PREX2: variants seen among roughly 807,000 people sequenced by gnomAD.
PREX2 encodes the protein phosphatidylinositol 3,4,5-trisphosphate-dependent Rac exchanger 2 protein.
Under a neutral mutation model 203.2 loss-of-function variants are expected in PREX2, and 107 were observed. The ratio of observed to expected loss-of-function variants is 0.53; its 90% CI spans 0.45 to 0.62. PREX2 has a LOEUF of 0.62. Among genes scored for constraint, PREX2 ranks in the 20% least tolerant of loss-of-function variants. PREX2 has a pLI of 0.00. For missense variants in PREX2, 1,777 were observed against 1,955.9 expected (o/e 0.91, Z 1.72); for synonymous variants, 672 against 663.6 (o/e 1.01, Z -0.19).
intron 11 of PREX2, among the ~76,000 whole-genome samples, chr8:68,064,233 G>A (rs187625628): frequency 6.6e-5 from 10 of 152,222 alleles, no homozygotes; most frequent in South Asian, 2.1e-4. Flanking sequence ...GCTGAAGTTG[G>A]CTCATACAAG....
intron 14 of PREX2, among the ~76,000 whole-genome samples, chr8:68,075,918 G>A (rs1290961134): frequency 1.3e-5 from 2 of 152,076 alleles, no homozygotes; most frequent in South Asian, 2.1e-4. Flanking sequence ...AAAGAGAAGG[G>A]CATTGCAGCT....
At chr8:68,080,307 T>C in intron 15 of PREX2, 136 bp from the exon 16 acceptor site, 3 of 657,348 alleles carry the variant, frequency 4.6e-6, no homozygotes, top group Non-Finnish European at 7.5e-6. Flanking sequence ...CCGGGGCTAC[T>C]TGTGAATGTA....
chr8:68,100,621 A>G (rs941545700), intron 23 of PREX2, among the ~76,000 whole-genome samples: 9 of 152,200 alleles, frequency 5.9e-5, no homozygotes, highest in African/African-American at 1.4e-4. Flanking sequence ...CAAAGCAGAA[A>G]GAAGGCCAGG....
intron 15 of PREX2, 76 bp from the exon 16 acceptor site, chr8:68,080,367 G>C: frequency 5.3e-6 from 7 of 1,321,728 alleles, no homozygotes; most frequent in African/African-American, 1.5e-5. Context: ...GTATTAATTT[G>C]TAAATGTCAC....
intron 30 of PREX2, among the ~76,000 whole-genome samples, chr8:68,122,410 G>T (rs1158078068): frequency 6.6e-6 from 1 of 152,088 alleles, no homozygotes; most frequent in Admixed American, 6.6e-5. Context: ...TTAATGAAAA[G>T]TCTGAATTTA....
Position 68,093,591 on chromosome 8 carries a change from C to T in PREX2, c.2251-14C>T, listed in dbSNP as rs2129612316. ...ACTAATACCTCTGAGGTTTCTTTCC[C>T]CCCTCATTTCCAGCAAGATTCCATA... On this transcript the variant is annotated splice_polypyrimidine_tract_variant and intron_variant, in intron 20 of 39. Transcript: ENST00000288368. The T allele has an allele frequency of 7.4e-7, 1 of 1,345,434 alleles. No individual in the cohort carries two copies. 83.3% of individuals were successfully genotyped at this position (1,345,434 alleles called of 1,614,324 possible). A position where few individuals can be genotyped will look rare whatever the true frequency, so the allele number is the denominator to read the frequency against.
At chr8:68,113,622 G>A (rs1407314466) in intron 25 of PREX2, among the ~76,000 whole-genome samples, 2 of 152,198 alleles carry the variant, frequency 1.3e-5, no homozygotes, top group African/African-American at 2.4e-5. Flanking sequence ...TTTCACTGGT[G>A]TCTAAAACCT....
Position 68,152,289 on chromosome 8 carries a change from GA to G in PREX2, c.4232-5012del, listed in dbSNP as rs573525316. Reference sequence around the variant, plus strand: ...CGACAGAGCGAGACTCCCTCTCAGAGAAAAAAAAAAAAAAAAAAAAAGATAA... The same window carrying G: ...CGACAGAGCGAGACTCCCTCTCAGAGAAAAAAAAAAAAAAAAAAAAGATAA... On this transcript the variant is annotated intron_variant, in intron 34 of 39. Transcript: ENST00000288368. 4.2e-3 allele frequency among the ~76,000 whole-genome samples: 308 copies of G among 72,908 alleles called. 3 individuals are homozygous for G. Among genetic ancestry groups the G allele is most frequent in the Non-Finnish European group, 5.8e-3 (243 of 41,822 alleles). The allele number at this position is 72,908 out of a possible 152,430, so 47.8% of individuals were successfully genotyped here.
intron 1 of PREX2, among the ~76,000 whole-genome samples, chr8:68,015,393 TC>T (rs1418735465): frequency 2.6e-5 from 4 of 152,190 alleles, no homozygotes; most frequent in Non-Finnish European, 5.9e-5. Context: ...AGATTTCCTT[TC>T]ATATACAATT....
At chr8:68,025,003 T>C (rs1807675123) in intron 4 of PREX2, among the ~76,000 whole-genome samples, 1 of 152,004 alleles carries the variant, frequency 6.6e-6, no homozygotes, top group South Asian at 2.1e-4. Flanking sequence ...ATATATGTTA[T>C]AAACTTCACA....
chr8:68,006,594 C>T (rs573406684), intron 1 of PREX2, among the ~76,000 whole-genome samples: 1 of 152,114 alleles, frequency 6.6e-6, no homozygotes, highest in South Asian at 2.1e-4. Flanking sequence ...CTTGCTGAGC[C>T]ACTTGGGGCC....
At chr8:68,011,330 A>G (rs542318649) in intron 1 of PREX2, among the ~76,000 whole-genome samples, 2 of 152,306 alleles carry the variant, frequency 1.3e-5, no homozygotes, top group South Asian at 4.1e-4. Flanking sequence ...TTGTGAGTCA[A>G]AAGGACCTTG....
At chr8:68,093,850 T>C in intron 21 of PREX2, 128 bp downstream of exon 21, 2 of 495,828 alleles carry the variant, frequency 4.0e-6, no homozygotes, top group Non-Finnish European at 7.4e-6. Flanking sequence ...ACCAAACAGA[T>C]GTCTGTCAAA....
chr8:68,030,407 C>G (rs1585720198), intron 5 of PREX2, 90 bp from the exon 6 acceptor site: 1 of 1,246,286 alleles, frequency 8.0e-7, no homozygotes, highest in East Asian at 2.4e-5. Context: ...CTCTCATGAT[C>G]TTTGCAGTTT....
intron 1 of PREX2, among the ~76,000 whole-genome samples, chr8:67,984,828 C>G (rs7817661): frequency 0.032 from 4,924 of 152,166 alleles, 280 homozygotes; most frequent in African/African-American, 0.11. Flanking sequence ...CCAGCCTTCC[C>G]AGAAGAGGAA....
chr8:68,173,921 AC>A (rs1811929652), intron 35 of PREX2, among the ~76,000 whole-genome samples: 1 of 152,148 alleles, frequency 6.6e-6, no homozygotes, highest in Non-Finnish European at 1.5e-5. Context: ...AAATAAGCAT[AC>A]CCCAAAAAGA....
At chr8:68,167,890 A>G (rs1237658087) in intron 35 of PREX2, among the ~76,000 whole-genome samples, 1 of 152,216 alleles carries the variant, frequency 6.6e-6, no homozygotes, top group Non-Finnish European at 1.5e-5. Flanking sequence ...TTCTTAAAAT[A>G]TGATCCCGAG....
chr8:68,173,927 A>T (rs1013320802), intron 35 of PREX2, among the ~76,000 whole-genome samples: 8 of 152,220 alleles, frequency 5.3e-5, no homozygotes, highest in Non-Finnish European at 8.8e-5. Context: ...GCATACCCCA[A>T]AAAGATAGTT....
In PREX2 at chr8:68,070,044, A is replaced by G. The variant is rs78049528; in HGVS notation, c.1493+160A>G. On this transcript the variant is annotated intron_variant, in intron 13 of 39. Transcript: ENST00000288368. ...ATAATTTATTGTAAAATATCCCTAC[A>G]TTTTCTTAAGATTCTAATTATATAG... 7.4e-4 allele frequency among the ~76,000 whole-genome samples: 112 copies of G among 151,762 alleles called. 1 individual carries two copies. The highest frequency in any genetic ancestry group is 2.5e-3 in the African/African-American group (105 of 41,468).
Sources: allele counts gnomAD v4.1 joint callset (sites outside exome capture counted in the v4.1 genomes callset), GRCh38; gene constraint gnomAD v4.1.1; transcripts MANE v1.5; gene names NCBI Gene and HGNC (gene_info 2026-07-23, HGNC 2026-07-21).